The following EXT1 variants were observed in gnomAD, a reference collection of about 807,000 sequenced individuals.
EXT1 encodes exostosin glycosyltransferase 1, also known as exostosin-1.
A neutral mutation model predicts 82.5 loss-of-function variants in EXT1; 20 were observed. The ratio of observed to expected loss-of-function variants is 0.24; its 90% CI spans 0.17 to 0.35. The LOEUF (loss-of-function observed/expected upper bound fraction) is 0.35. Among genes scored for constraint, EXT1 ranks in the 10% least tolerant of loss-of-function variants. EXT1 has a pLI of 1.00. For synonymous variants in EXT1, 348 were observed against 350.8 expected (o/e 0.99, Z 0.09); for missense variants, 757 against 936.5 (o/e 0.81, Z 2.50).
In EXT1 at chr8:117,845,388, A is replaced by G. The variant is rs149718734; in HGVS notation, c.963-8187T>C. 3.7e-3 allele frequency among the ~76,000 whole-genome samples: 559 copies of G among 152,260 alleles called. 4 individuals carry two copies. Among genetic ancestry groups the G allele is most frequent in the East Asian group, 0.014 (71 of 5,162 alleles). ...CCCCCCATCCTTAGGTTAAATGTCT[A>G]CTGACAGTTCAGAACCTTAAACTTA... On this transcript the variant is annotated intron_variant, in intron 1 of 10. Transcript: ENST00000378204.
At chr8:118,100,532 G>A (rs1185621522) in intron 1 of EXT1, among the ~76,000 whole-genome samples, 6 of 152,026 alleles carry the variant, frequency 3.9e-5, no homozygotes, top group Admixed American at 1.3e-4. Flanking sequence ...GGTGGATCAC[G>A]AGGTCAGGAG....
At chr8:118,002,812 G>A (rs142594166) in intron 1 of EXT1, among the ~76,000 whole-genome samples, 2,926 of 152,140 alleles carry the variant, frequency 0.019, 37 homozygotes, top group Middle Eastern at 0.031. Flanking sequence ...GATTACAGGC[G>A]TGAGCCACTG....
At chr8:117,809,218 A>AATATATATATATAT (rs71307404) in intron 8 of EXT1, among the ~76,000 whole-genome samples, 2,419 of 107,706 alleles carry the variant, frequency 0.022, 80 homozygotes, top group Middle Eastern at 0.042. Context: ...TGTGTGTATA[A>AATATATATATATAT]ATATATATAT....
rs1812877113 is a variant in EXT1, at chr8:117,871,752, G to A, written c.963-34551C>T. 2.6e-5 allele frequency among the ~76,000 whole-genome samples: 4 copies of A among 152,266 alleles called. No homozygotes were observed. The South Asian group carries it at 8.3e-4, about 32-fold the overall frequency. ...ACAGAGGGGTCATCAGGCACTCTGA[G>A]GCTTGTCTTCTAAAACTGCTTCCAC... is the stretch of plus-strand genomic sequence containing the variant. On this transcript the variant is annotated intron_variant, in intron 1 of 10. Coordinates refer to ENST00000378204, the MANE Select transcript of EXT1 (RefSeq NM_000127.3).
chr8:117,999,488 T>C (rs1372638390), intron 1 of EXT1, among the ~76,000 whole-genome samples: 1 of 152,216 alleles, frequency 6.6e-6, no homozygotes, highest in African/African-American at 2.4e-5. Context: ...TTTTAGATAT[T>C]CTTTTGTACT....
At position 118,059,606 on chromosome 8, in the gene EXT1, T is replaced by C. The variant is rs1816852003; in HGVS notation, c.962+50479A>G. ...ACAGAGGCAGCAGCAGCTTTTGGAA[T>C]GTTTCATCCGTTCCCTGCTATGGTC... On this transcript the variant is annotated intron_variant, in intron 1 of 10. Transcript: ENST00000378204. 3.3e-5 allele frequency among the ~76,000 whole-genome samples: 5 copies of C among 152,246 alleles called. No homozygotes were observed. The South Asian group carries it at 1.0e-3, about 32-fold the overall frequency.
intron 1 of EXT1, among the ~76,000 whole-genome samples, chr8:117,970,814 G>A (rs1319079633): frequency 6.6e-6 from 1 of 152,166 alleles, no homozygotes; most frequent in Non-Finnish European, 1.5e-5. Context: ...TGTGCTGGAT[G>A]TATCCATGGA....
chr8:118,095,919 G>C (rs911284988), intron 1 of EXT1, among the ~76,000 whole-genome samples: 22 of 152,172 alleles, frequency 1.4e-4, no homozygotes, highest in Admixed American at 1.2e-3. Context: ...GGAGGAAATG[G>C]AGGCCAGCGG....
intron 1 of EXT1, among the ~76,000 whole-genome samples, chr8:118,090,204 T>G (rs1398757067): frequency 6.6e-6 from 1 of 151,738 alleles, no homozygotes; most frequent in Admixed American, 6.6e-5. Context: ...GGAATACCAC[T>G]TAAGACCAGG....
chr8:118,029,401 T>G (rs1816266754), intron 1 of EXT1, among the ~76,000 whole-genome samples: 1 of 152,140 alleles, frequency 6.6e-6, no homozygotes, highest in Non-Finnish European at 1.5e-5. Context: ...CCAGCCTGGG[T>G]GACAGTGAGA....
At chr8:118,010,651 T>C (rs1199081125) in intron 1 of EXT1, among the ~76,000 whole-genome samples, 1 of 152,160 alleles carries the variant, frequency 6.6e-6, no homozygotes, top group Admixed American at 6.5e-5. Context: ...GGAGCATGTT[T>C]ACGTGGCACA....
At chr8:118,065,347 A>G (rs1295848585) in intron 1 of EXT1, among the ~76,000 whole-genome samples, 1 of 152,174 alleles carries the variant, frequency 6.6e-6, no homozygotes, top group East Asian at 1.9e-4. Context: ...ATTTCCCAGG[A>G]ACCAACAAAC....
intron 1 of EXT1, among the ~76,000 whole-genome samples, chr8:118,078,621 A>G (rs986295665): frequency 1.3e-5 from 2 of 152,162 alleles, no homozygotes; most frequent in African/African-American, 4.8e-5. Context: ...ATAAATACAT[A>G]CGTCATCTTT....
chr8:117,997,223 C>T (rs1815562079), intron 1 of EXT1, among the ~76,000 whole-genome samples: 1 of 149,256 alleles, frequency 6.7e-6, no homozygotes, highest in African/African-American at 2.5e-5. Flanking sequence ...TTGGCCCTTC[C>T]CCGTATGGTA....
chr8:117,921,773 C>G lies in EXT1; in HGVS notation c.963-84572G>C, dbSNP rs79832655. On this transcript the variant is annotated intron_variant, in intron 1 of 10. Coordinates refer to ENST00000378204, the MANE Select transcript of EXT1 (RefSeq NM_000127.3). Reference sequence around the variant, plus strand: ...TATTTCTATGTCTATGATCACATTCCTATAGGGTATAGGAGAAGATGAAGG... The same window carrying G: ...TATTTCTATGTCTATGATCACATTCGTATAGGGTATAGGAGAAGATGAAGG... Among the ~76,000 whole-genome samples the G allele has an allele frequency of 7.0e-3, 1,061 of 152,196 alleles. 9 individuals are homozygous for G. The highest frequency in any genetic ancestry group is 0.012 in the Non-Finnish European group (850 of 68,012).
intron 1 of EXT1, among the ~76,000 whole-genome samples, chr8:118,073,766 C>T (rs1296251691): frequency 6.6e-6 from 1 of 152,066 alleles, no homozygotes; most frequent in African/African-American, 2.4e-5. Flanking sequence ...GCATTCATGC[C>T]CATTCATTTC....
intron 1 of EXT1, among the ~76,000 whole-genome samples, chr8:117,887,654 T>G (rs933318017): frequency 7.3e-6 from 1 of 137,154 alleles, no homozygotes; most frequent in Non-Finnish European, 1.6e-5. Context: ...CCAGCCCCCT[T>G]TCTTACTCTT....
chr8:117,855,732 G>A (rs900121712), intron 1 of EXT1, among the ~76,000 whole-genome samples: 64 of 152,252 alleles, frequency 4.2e-4, no homozygotes, highest in African/African-American at 1.4e-3. Context: ...GCAATGGTGC[G>A]ATCTCGGCTC....
At chr8:117,945,900 TTTTTG>T (rs552111024) in intron 1 of EXT1, among the ~76,000 whole-genome samples, 9 of 152,062 alleles carry the variant, frequency 5.9e-5, no homozygotes, top group African/African-American at 1.2e-4. Context: ...TTATGTTTTG[TTTTTG>T]TTTTGTTTTG....
Sources: gnomAD v4.1 joint callset for allele counts (sites outside exome capture counted in the v4.1 genomes callset) on GRCh38, gnomAD v4.1.1 for gene constraint, MANE v1.5 for transcripts, NCBI Gene and HGNC (gene_info 2026-07-23, HGNC 2026-07-21) for gene names.